HPD: variants seen among roughly 807,000 people sequenced by gnomAD.
HPD encodes 4-hydroxyphenylpyruvic acid oxidase.
In HPD, 35 loss-of-function variants were observed where a neutral mutation model predicts 56.9. The observed-to-expected ratio is 0.62, with a 90% confidence interval of 0.47 to 0.82. The LOEUF (loss-of-function observed/expected upper bound fraction) is 0.82, where lower values mean the gene tolerates loss of function less well. Ranked by LOEUF, HPD falls within the 40% of genes least tolerant of loss-of-function variation. HPD has a pLI of 0.00. For synonymous variants in HPD, 186 were observed against 200.2 expected (o/e 0.93, Z 0.60); for missense variants, 442 against 506.8 (o/e 0.87, Z 1.23).
At chr12:121,858,216 G>C (rs1264710736) in intron 2 of HPD, among the ~76,000 whole-genome samples, 1 of 152,100 alleles carries the variant, frequency 6.6e-6, no homozygotes, top group Non-Finnish European at 1.5e-5. Context: ...GGCTGGAGTG[G>C]AGTGCAGTGG....
chr12:121,865,524 C>T (rs925974511), upstream of HPD, among the ~76,000 whole-genome samples: 1 of 149,764 alleles, frequency 6.7e-6, no homozygotes, highest in Non-Finnish European at 1.5e-5. Context: ...CCGCCTTGGC[C>T]TCCCAAAGTG....
intron 11 of HPD, among the ~76,000 whole-genome samples, chr12:121,844,793 A>G (rs987251463): frequency 2.0e-5 from 3 of 152,048 alleles, no homozygotes; most frequent in South Asian, 4.1e-4. Flanking sequence ...AGGCAGGAGA[A>G]TGGCGTAAAC....
upstream of HPD, among the ~76,000 whole-genome samples, chr12:121,862,639 C>T (rs1368424430): frequency 1.7e-5 from 2 of 120,810 alleles, no homozygotes; most frequent in Non-Finnish European, 3.3e-5. Context: ...ACAGAGTCTC[C>T]CTCTGTGGCC....
chr12:121,853,824 A>G, intron 7 of HPD, among the ~76,000 whole-genome samples: 1 of 151,214 alleles, frequency 6.6e-6, no homozygotes, highest in East Asian at 2.0e-4. Context: ...GATGCCTGTA[A>G]TCCCCAGGAG....
chr12:121,847,039 G>A lies in HPD; in HGVS notation c.759+13C>T. 6.2e-7 allele frequency: 1 copy of A among 1,614,108 alleles called. No individual in the cohort carries two copies. The highest frequency in any genetic ancestry group is 8.5e-7 in the Non-Finnish European group (1 of 1,179,994). On this transcript the variant is annotated intron_variant, in intron 10 of 13. Coordinates refer to ENST00000289004, the MANE Select transcript of HPD (RefSeq NM_002150.3). Reference sequence around the variant, plus strand: ...TCCCTGCTCCCCTCTCCCCCAGCCAGGGGCGGCCTCACCTGGATCTGGGAC... The same window carrying A: ...TCCCTGCTCCCCTCTCCCCCAGCCAAGGGCGGCCTCACCTGGATCTGGGAC...
chr12:121,879,006 C>T, the HPD span, among the ~76,000 whole-genome samples: 8 of 151,146 alleles, frequency 5.3e-5, no homozygotes, highest in East Asian at 8.0e-4. Context: ...ACTTATAGGC[C>T]GGGTGAGGTG....
intron 7 of HPD, among the ~76,000 whole-genome samples, chr12:121,853,357 G>A (rs1363132716): frequency 1.3e-5 from 2 of 152,052 alleles, no homozygotes; most frequent in Non-Finnish European, 2.9e-5. Flanking sequence ...GGTGGGGCGC[G>A]GTGGCTCACA....
In HPD at chr12:121,845,455, G is replaced by T. The variant is rs2137613751; in HGVS notation, c.831+1407C>A. Among the ~76,000 whole-genome samples, 4 of 141,114 alleles carry T rather than the reference G, an allele frequency of 2.8e-5. 1 individual carries two copies. In the South Asian group the frequency reaches 8.6e-4, roughly 30 times the overall value. 92.6% of individuals were successfully genotyped at this position (141,114 alleles called of 152,430 possible). On this transcript the variant is annotated intron_variant, in intron 11 of 13. Transcript: ENST00000289004. ...ACTAAAAATACAAAAAAAAACATTA[G>T]CTGGGCGTGGTGGCGGGTGCCTGTA...
chr12:121,850,692 CTTTTT>C (rs1206546215), intron 7 of HPD, among the ~76,000 whole-genome samples: 1 of 91,608 alleles, frequency 1.1e-5, no homozygotes, highest in Non-Finnish European at 2.1e-5. Flanking sequence ...TGTACCTAGC[CTTTTT>C]TTTTTTTTTT....
chr12:121,887,169 G>A, the HPD span, among the ~76,000 whole-genome samples: 16 of 151,942 alleles, frequency 1.1e-4, no homozygotes, highest in Middle Eastern at 6.8e-3. Flanking sequence ...CAAAGTGCTG[G>A]GATTACAGGT....
At chr12:121,876,080 G>A in the HPD span, among the ~76,000 whole-genome samples, 2 of 152,178 alleles carry the variant, frequency 1.3e-5, no homozygotes, top group Non-Finnish European at 2.9e-5. Context: ...GAAGGCCGAG[G>A]TGGGAGGATC....
rs919914737 is a variant in HPD at position 121,857,493 on chromosome 12, G to A, written c.94-61C>T. Reference sequence around the variant, plus strand: ...CAAGGGGCCAGCATGGGGGACTTCCGCAAGAGAGCCCCTGGCCCCCCTCAG... The same window carrying A: ...CAAGGGGCCAGCATGGGGGACTTCCACAAGAGAGCCCCTGGCCCCCCTCAG... On this transcript the variant is annotated intron_variant, in intron 3 of 13. Coordinates refer to ENST00000289004, the MANE Select transcript of HPD (RefSeq NM_002150.3). The A allele has an allele frequency of 1.9e-5, 25 of 1,288,624 alleles. No homozygotes were observed. The African/African-American group carries it at 3.1e-4, about 16-fold the overall frequency. 79.8% of individuals were successfully genotyped at this position (1,288,624 alleles called of 1,614,324 possible). A position where few individuals can be genotyped will look rare whatever the true frequency, so the allele number is the denominator to read the frequency against.
chr12:121,846,596 T>TGGCAGAAC (rs1436693989), intron 11 of HPD, among the ~76,000 whole-genome samples: 3 of 152,166 alleles, frequency 2.0e-5, no homozygotes, highest in African/African-American at 7.2e-5. Flanking sequence ...AGCAAGCCAC[T>TGGCAGAAC]GGCAGAACCG....
upstream of HPD, chr12:121,859,315 C>G (rs772980293): frequency 3.9e-5 from 9 of 230,710 alleles, no homozygotes; most frequent in Non-Finnish European, 7.8e-5. Context: ...CTGTTACATA[C>G]AGTGTGACTT....
the HPD span, among the ~76,000 whole-genome samples, chr12:121,886,992 C>G: frequency 6.6e-6 from 1 of 152,120 alleles, no homozygotes; most frequent in Non-Finnish European, 1.5e-5. Context: ...CTCTGCCTCC[C>G]CGGTTCAAGC....
chr12:121,844,443 A>G (rs752257132), intron 11 of HPD, among the ~76,000 whole-genome samples: 1 of 151,932 alleles, frequency 6.6e-6, no homozygotes, highest in Non-Finnish European at 1.5e-5. Context: ...AAACTGAGGC[A>G]TGAAACGATT....
Position 121,854,796 on chromosome 12 carries a change from C to T in HPD, c.325-4G>A. The T allele has an allele frequency of 6.2e-7, 1 of 1,611,436 alleles. No homozygotes were observed. Among genetic ancestry groups the T allele is most frequent in the Non-Finnish European group, 8.5e-7 (1 of 1,177,598 alleles). On this transcript the variant is annotated splice_region_variant and splice_polypyrimidine_tract_variant and intron_variant, in intron 6 of 13. Coordinates refer to ENST00000289004, the MANE Select transcript of HPD (RefSeq NM_002150.3). ...TGGCGCCCCGTTCCCGTGCTTTCTG[C>T]AGAGAAGATGGGATCGGGGAATTGG...
upstream of HPD, among the ~76,000 whole-genome samples, chr12:121,864,636 G>A (rs1321891927): frequency 1.3e-5 from 2 of 150,786 alleles, no homozygotes; most frequent in African/African-American, 4.9e-5. Context: ...GACGGATCAC[G>A]AGGTCAGGAG....
At chr12:121,842,741 C>CTTTT (rs34879391) in intron 12 of HPD, among the ~76,000 whole-genome samples, 6 of 76,242 alleles carry the variant, frequency 7.9e-5, no homozygotes, top group Admixed American at 3.4e-4. Flanking sequence ...TAAAATGGAT[C>CTTTT]TTTTTTTTTT....
Sources: allele counts gnomAD v4.1 joint callset (sites outside exome capture counted in the v4.1 genomes callset), GRCh38; gene constraint gnomAD v4.1.1; transcripts MANE v1.5; gene names NCBI Gene and HGNC (gene_info 2026-07-23, HGNC 2026-07-21).